Variants in CIAO2A observed in about 807,000 individuals in gnomAD.
The protein encoded by CIAO2A is MIP18 family protein FAM96A.
A neutral mutation model predicts 22.4 loss-of-function variants in CIAO2A; 17 were observed. The ratio of observed to expected loss-of-function variants is 0.76; its 90% CI spans 0.52 to 1.14. The LOEUF (loss-of-function observed/expected upper bound fraction) is 1.14. Among genes scored for constraint, CIAO2A ranks in the 50% most tolerant of loss-of-function variants. The probability of loss-of-function intolerance (pLI) is 0.00; values close to 1 mark genes in which losing one functional copy is unlikely to be tolerated. For synonymous variants in CIAO2A, 74 were observed against 72.3 expected, an observed-to-expected ratio of 1.02 and a Z score of -0.12; for missense variants, 192 against 191.4, an observed-to-expected ratio of 1.00 and a Z score of -0.02.
chr15:64,087,020 T>A (rs1417474478), intron 2 of CIAO2A, among the ~76,000 whole-genome samples: 1 of 148,532 alleles, frequency 6.7e-6, no homozygotes, highest in Non-Finnish European at 1.5e-5. Flanking sequence ...CAAGTAATTC[T>A]CCTGCCTCAG....
intron 1 of CIAO2A, among the ~76,000 whole-genome samples, chr15:64,091,148 T>C (rs2080836751): frequency 9.3e-6 from 1 of 107,892 alleles, no homozygotes; most frequent in Non-Finnish European, 2.4e-5. Context: ...ACAAATTCTA[T>C]TTTCTCTTTA....
chr15:64,092,842 A>T (rs2080851815), intron 1 of CIAO2A, among the ~76,000 whole-genome samples: 1 of 152,238 alleles, frequency 6.6e-6, no homozygotes, highest in South Asian at 2.1e-4. Flanking sequence ...CAAAAACAAT[A>T]CAACATAATT....
intron 1 of CIAO2A, 67 bp downstream of exon 1, chr15:64,093,578 T>C: frequency 6.5e-7 from 1 of 1,532,810 alleles, no homozygotes; most frequent in South Asian, 1.2e-5. Context: ...GAGGCCATCA[T>C]CCCCGCACCC....
chr15:64,079,997 G>A (rs78927576), intron 3 of CIAO2A, among the ~76,000 whole-genome samples: 6,520 of 152,234 alleles, frequency 0.043, 163 homozygotes, highest in South Asian at 0.079. Flanking sequence ...AATGGGCAAA[G>A]GATCTGAATA....
At chr15:64,087,767 A>G (rs866740959) in intron 2 of CIAO2A, among the ~76,000 whole-genome samples, 25 of 152,284 alleles carry the variant, frequency 1.6e-4, no homozygotes, top group Non-Finnish European at 2.2e-4. Context: ...TAAAAACATA[A>G]AAAGGTATAA....
chr15:64,088,898 C>G lies in CIAO2A; in HGVS notation c.125-47G>C. Reference sequence around the variant, plus strand: ...GATATTCTATTAAAACATGACTATTCTAAATAAAGATGATTTTGCCAGGCC... The same window carrying G: ...GATATTCTATTAAAACATGACTATTGTAAATAAAGATGATTTTGCCAGGCC... On this transcript the variant is annotated intron_variant, in intron 1 of 4. Transcript: ENST00000300030. 4 of 1,549,280 alleles carry G rather than the reference C, an allele frequency of 2.6e-6. No homozygotes were observed. The African/African-American group carries it at 4.1e-5, about 16-fold the overall frequency.
chr15:64,077,704 G>A (rs968024711), intron 3 of CIAO2A, among the ~76,000 whole-genome samples: 1 of 152,162 alleles, frequency 6.6e-6, no homozygotes, highest in African/African-American at 2.4e-5. Flanking sequence ...TCAAGATCAT[G>A]AAATAAAGGC....
At chr15:64,084,289 T>C (rs1055833249) in intron 2 of CIAO2A, among the ~76,000 whole-genome samples, 4 of 152,148 alleles carry the variant, frequency 2.6e-5, no homozygotes, top group African/African-American at 9.7e-5. Context: ...ATTACAGGTG[T>C]GGGCCACCAC....
chr15:64,088,590 G>T, intron 2 of CIAO2A, 97 bp downstream of exon 2: 1 of 1,007,744 alleles, frequency 9.9e-7, no homozygotes, highest in Non-Finnish European at 1.4e-6. Flanking sequence ...ACACTGTATG[G>T]TTTTTCAACA....
chr15:64,086,548 C>A (rs2080796568), intron 2 of CIAO2A, among the ~76,000 whole-genome samples: 1 of 152,132 alleles, frequency 6.6e-6, no homozygotes, highest in Non-Finnish European at 1.5e-5. Flanking sequence ...TGTTCGTTCA[C>A]AAATTGTCCA....
chr15:64,090,011 A>G (rs1212313421), intron 1 of CIAO2A, among the ~76,000 whole-genome samples: 4 of 152,206 alleles, frequency 2.6e-5, no homozygotes, highest in Non-Finnish European at 4.4e-5. Flanking sequence ...GAATAAGTAG[A>G]ACCTTGGCTG....
chr15:64,084,893 G>C (rs1567307111), intron 2 of CIAO2A, among the ~76,000 whole-genome samples: 1 of 152,074 alleles, frequency 6.6e-6, no homozygotes, highest in Non-Finnish European at 1.5e-5. Context: ...ACAAGTTCGA[G>C]ACCAGCCTGG....
At chr15:64,092,342 T>C (rs2080846729) in intron 1 of CIAO2A, among the ~76,000 whole-genome samples, 1 of 152,174 alleles carries the variant, frequency 6.6e-6, no homozygotes. Context: ...TCTACATATC[T>C]AGATCCTAAT....
intron 2 of CIAO2A, among the ~76,000 whole-genome samples, chr15:64,085,011 G>C (rs894564855): frequency 6.7e-6 from 1 of 148,796 alleles, no homozygotes; most frequent in Non-Finnish European, 1.5e-5. Flanking sequence ...AGAATCACTT[G>C]AACCTGGGAG....
intron 1 of CIAO2A, among the ~76,000 whole-genome samples, chr15:64,090,649 T>G (rs1399316531): frequency 6.6e-6 from 1 of 152,170 alleles, no homozygotes; most frequent in African/African-American, 2.4e-5. Context: ...GGTCTTTCAT[T>G]TGTCACCCCA....
intron 3 of CIAO2A, among the ~76,000 whole-genome samples, chr15:64,079,992 G>A (rs1174197714): frequency 6.6e-6 from 1 of 152,142 alleles, no homozygotes; most frequent in South Asian, 2.1e-4. Flanking sequence ...TTTAAAATGG[G>A]CAAAGGATCT....
chr15:64,076,635 T>A (rs766057931), intron 3 of CIAO2A, among the ~76,000 whole-genome samples: 3 of 152,102 alleles, frequency 2.0e-5, no homozygotes, highest in Non-Finnish European at 4.4e-5. Context: ...TATTTACTTA[T>A]TTACTACGGA....
intron 2 of CIAO2A, among the ~76,000 whole-genome samples, chr15:64,088,258 A>G (rs2080813140): frequency 6.6e-6 from 1 of 152,244 alleles, no homozygotes; most frequent in Non-Finnish European, 1.5e-5. Flanking sequence ...AAGCAATGCT[A>G]GTCTGACACC....
intron 2 of CIAO2A, among the ~76,000 whole-genome samples, chr15:64,084,865 G>A (rs1472403553): frequency 6.6e-6 from 1 of 151,920 alleles, no homozygotes; most frequent in Non-Finnish European, 1.5e-5. Context: ...GGCCAAAGAG[G>A]GCAGATCACT....
Sources: gnomAD v4.1 joint callset for allele counts (sites outside exome capture counted in the v4.1 genomes callset) on GRCh38, gnomAD v4.1.1 for gene constraint, MANE v1.5 for transcripts, NCBI Gene and HGNC (gene_info 2026-07-23, HGNC 2026-07-21) for gene names.